TRPC4: variants seen among roughly 807,000 people sequenced by gnomAD.
The protein encoded by TRPC4 is transient receptor potential cation channel subfamily C member 4.
TRPC4 carries 49 observed loss-of-function variants against 99.4 expected under a neutral mutation model. That is an observed-to-expected ratio of 0.49 (90% CI 0.39 to 0.63). The LOEUF (loss-of-function observed/expected upper bound fraction) is 0.63. TRPC4 is among the 20% of genes least tolerant of loss of function. The probability of loss-of-function intolerance (pLI) is 0.00; values close to 1 mark genes in which losing one functional copy is unlikely to be tolerated. For missense variants in TRPC4, 898 were observed against 1,152.9 expected, an observed-to-expected ratio of 0.78 and a Z score of 3.20; for synonymous variants, 454 against 425.9, an observed-to-expected ratio of 1.07 and a Z score of -0.81.
At chr13:37,825,110 G>A (rs1297328931) in intron 1 of TRPC4, among the ~76,000 whole-genome samples, 1 of 151,854 alleles carries the variant, frequency 6.6e-6, no homozygotes, top group Non-Finnish European at 1.5e-5. Context: ...TGTGGGATCA[G>A]TGGTGATATC....
chr13:37,817,276 C>T (rs1231438165), intron 1 of TRPC4, among the ~76,000 whole-genome samples: 1 of 151,884 alleles, frequency 6.6e-6, no homozygotes, highest in African/African-American at 2.4e-5. Flanking sequence ...TTCACAATTG[C>T]CACAAAAAGA....
At chr13:37,833,367 C>T (rs907283826) in intron 1 of TRPC4, among the ~76,000 whole-genome samples, 5 of 152,246 alleles carry the variant, frequency 3.3e-5, no homozygotes, top group African/African-American at 4.8e-5. Flanking sequence ...CTATTTGATA[C>T]GGCATTCACC....
intron 2 of TRPC4, among the ~76,000 whole-genome samples, chr13:37,753,597 GAGAGAGAGAGAA>G (rs1462290810): frequency 2.6e-4 from 37 of 141,218 alleles, no homozygotes; most frequent in East Asian, 1.0e-3. Context: ...GAGAGAGAGA[GAGAGAGAGAGAA>G]AGAAAGAAAG....
At chr13:37,809,469 T>G (rs9566258) in intron 1 of TRPC4, among the ~76,000 whole-genome samples, 33 of 15,704 alleles carry the variant, frequency 2.1e-3, no homozygotes, top group Admixed American at 5.2e-3. Flanking sequence ...GGTTTTGTGT[T>G]TTTTTTTTTT....
intron 1 of TRPC4, among the ~76,000 whole-genome samples, chr13:37,855,453 C>T (rs1427613912): frequency 6.6e-6 from 1 of 151,424 alleles, no homozygotes; most frequent in Non-Finnish European, 1.5e-5. Flanking sequence ...CAACATCCCA[C>T]TTTTGGCACT....
Position 37,869,629 on chromosome 13 carries a change from G to C in TRPC4, c.-62C>G, listed in dbSNP as rs186905016. ...TGCAATCTTCGGGCTGAAGTGATGG[G>C]ATCCGAGGACTGACGGCGCGGGTGC... On this transcript the variant is annotated 5_prime_UTR_variant, in exon 1 of 11. It adds an upstream start codon to the 5' untranslated region. Transcript: ENST00000379705. 6 of 152,534 alleles carry C rather than the reference G, an allele frequency of 3.9e-5. No homozygotes were observed. Among genetic ancestry groups the C allele is most frequent in the Non-Finnish European group, 8.8e-5 (6 of 68,200 alleles). The allele number at this position is 152,534 out of a possible 1,614,324, so 9.4% of individuals were successfully genotyped here. A position where few individuals can be genotyped will look rare whatever the true frequency, so the allele number is the denominator to read the frequency against.
chr13:37,686,877 G>A (rs921557133), intron 4 of TRPC4, among the ~76,000 whole-genome samples: 5 of 152,044 alleles, frequency 3.3e-5, no homozygotes, highest in South Asian at 2.1e-4. Flanking sequence ...ATGTCACGTC[G>A]CTTCAGCAGC....
At chr13:37,817,934 T>A (rs567340857) in intron 1 of TRPC4, among the ~76,000 whole-genome samples, 1 of 152,074 alleles carries the variant, frequency 6.6e-6, no homozygotes, top group South Asian at 2.1e-4. Flanking sequence ...GTAAAAACCC[T>A]GGAAGACAAC....
chr13:37,669,941 G>A (rs1249172133), intron 5 of TRPC4, among the ~76,000 whole-genome samples: 1 of 152,124 alleles, frequency 6.6e-6, no homozygotes, highest in Non-Finnish European at 1.5e-5. Context: ...ATGGTATTTG[G>A]AGATGGTATT....
At chr13:37,664,299 C>T (rs4514541) in intron 5 of TRPC4, among the ~76,000 whole-genome samples, 55,312 of 152,018 alleles carry the variant, frequency 0.36, 10,450 homozygotes, top group African/African-American at 0.41. Context: ...CAAGGCCTGG[C>T]GCGGTGGCTG....
intron 2 of TRPC4, among the ~76,000 whole-genome samples, chr13:37,750,721 C>G (rs1447579647): frequency 1.3e-5 from 2 of 151,986 alleles, no homozygotes; most frequent in African/African-American, 2.4e-5. Flanking sequence ...CATAGGTATA[C>G]ACGTGCCATG....
chr13:37,745,475 C>CGCGTATATATATATATATAT (rs1566138437), intron 3 of TRPC4, among the ~76,000 whole-genome samples: 8 of 7,844 alleles, frequency 1.0e-3, no homozygotes, highest in African/African-American at 2.3e-3. Flanking sequence ...TATATATATA[C>CGCGTATATATATATATATAT]ACACACACAC....
intron 1 of TRPC4, among the ~76,000 whole-genome samples, chr13:37,786,289 G>GACACACACACAC (rs10549960): frequency 9.2e-5 from 13 of 141,056 alleles, no homozygotes; most frequent in African/African-American, 3.2e-4. Flanking sequence ...CAGGGAGAAA[G>GACACACACACAC]ACACACACAC....
At position 37,745,459 on chromosome 13, in the gene TRPC4, TATATATATATATATAC is replaced by T. The variant is rs1480039516; in HGVS notation, c.897+462_897+477del. Among the ~76,000 whole-genome samples the T allele has an allele frequency of 1.4e-3, 124 of 86,832 alleles. 3 individuals carry two copies. Among genetic ancestry groups the T allele is most frequent in the African/African-American group, 6.8e-3 (79 of 11,688 alleles). The allele number at this position is 86,832 out of a possible 152,430, so 57.0% of individuals were successfully genotyped here. A position where few individuals can be genotyped will look rare whatever the true frequency, so the allele number is the denominator to read the frequency against. On this transcript the variant is annotated intron_variant, in intron 3 of 10. Coordinates refer to ENST00000379705, the MANE Select transcript of TRPC4 (RefSeq NM_016179.4). ...GCGTATATATATATATATATATATA[TATATATATATATATAC>T]ACACACACACACACTTATATATACG...
intron 1 of TRPC4, among the ~76,000 whole-genome samples, chr13:37,852,786 A>T (rs529272378): frequency 6.6e-6 from 1 of 151,828 alleles, no homozygotes; most frequent in South Asian, 2.1e-4. Flanking sequence ...TGTCTGAAGA[A>T]CTCTTGGGCA....
intron 3 of TRPC4, among the ~76,000 whole-genome samples, chr13:37,731,097 C>A (rs536798067): frequency 6.6e-6 from 1 of 151,886 alleles, no homozygotes. Context: ...TGAGATAATA[C>A]ACAACATGTT....
At chr13:37,783,505 T>C (rs564807247) in intron 1 of TRPC4, 145 bp from the exon 2 acceptor site, 14 of 514,088 alleles carry the variant, frequency 2.7e-5, no homozygotes, top group African/African-American at 2.2e-4. Flanking sequence ...TTTTTTTTCT[T>C]CAACAATATA....
intron 1 of TRPC4, among the ~76,000 whole-genome samples, chr13:37,859,393 G>C (rs1227147128): frequency 6.6e-6 from 1 of 151,236 alleles, no homozygotes; most frequent in African/African-American, 2.4e-5. Context: ...CTTTGAAAAT[G>C]GTCCAAATGT....
intron 4 of TRPC4, among the ~76,000 whole-genome samples, chr13:37,691,226 C>A (rs1482699813): frequency 6.6e-6 from 1 of 152,052 alleles, no homozygotes; most frequent in South Asian, 2.1e-4. Context: ...CTCAGCCTCC[C>A]GAGTAGCTGG....
Sources: allele counts gnomAD v4.1 joint callset (sites outside exome capture counted in the v4.1 genomes callset), GRCh38; gene constraint gnomAD v4.1.1; transcripts MANE v1.5; gene names NCBI Gene and HGNC (gene_info 2026-07-23, HGNC 2026-07-21).